NT5DC2: variants seen among roughly 807,000 people sequenced by gnomAD.
NT5DC2 encodes 5'-nucleotidase domain-containing protein 2.
Under a neutral mutation model 70.0 loss-of-function variants are expected in NT5DC2, and 41 were observed. The observed-to-expected ratio is 0.59, with a 90% CI of 0.46 to 0.76. The LOEUF (loss-of-function observed/expected upper bound fraction) is 0.76. Ranked by LOEUF, NT5DC2 falls within the 30% of genes least tolerant of loss-of-function variation. The pLI, the probability that NT5DC2 is intolerant of heterozygous loss-of-function variation, is 0.00. For missense variants in NT5DC2, 705 were observed against 783.2 expected, an observed-to-expected ratio of 0.90 and a Z score of 1.19; for synonymous variants, 299 against 310.4, an observed-to-expected ratio of 0.96 and a Z score of 0.39.
At chr3:52,533,994 C>T (rs2079398106), upstream of NT5DC2, 2 of 299,324 alleles carry the variant, frequency 6.7e-6, no homozygotes, top group African/African-American at 2.3e-5. Context: ...CCGGCGCGGT[C>T]CGGGAGGACT....
intron 10 of NT5DC2, chr3:52,526,469 C>T (rs1038939594): frequency 6.6e-6 from 1 of 152,306 alleles, no homozygotes; most frequent in African/African-American, 2.4e-5. Flanking sequence ...CAGGGCTAAA[C>T]CTTAATCACT....
At chr3:52,533,442 C>A in intron 1 of NT5DC2, 64 bp downstream of exon 1, 1 of 1,444,794 alleles carries the variant, frequency 6.9e-7, no homozygotes, top group Non-Finnish European at 9.2e-7. Context: ...CACCCTGGGG[C>A]TCGGTCCGTC....
rs1405727010 is a variant in NT5DC2, at chr3:52,527,732, T to C, written c.936-14A>G. On this transcript the variant is annotated splice_polypyrimidine_tract_variant and intron_variant, in intron 8 of 13. Transcript: ENST00000422318. ...ATCCCCTTGTCTCTGTGTGGAGGAG[T>C]TTCAGGTGGCAAGTAGTCTGAGGGC... The C allele has an allele frequency of 3.1e-6, 5 of 1,612,528 alleles. No homozygotes were observed. Among genetic ancestry groups the C allele is most frequent in the Non-Finnish European group, 4.2e-6 (5 of 1,179,788 alleles).
chr3:52,524,879 G>C lies in NT5DC2; in HGVS notation c.1350C>G (p.Thr450=), dbSNP rs1304003076. 6.2e-7 allele frequency: 1 copy of C among 1,612,318 alleles called. No homozygotes were observed. Among genetic ancestry groups the C allele is most frequent in the Non-Finnish European group, 8.5e-7 (1 of 1,179,706 alleles). The stretch of plus-strand genomic sequence containing the variant: ...CCTGCCTCGACTCCGCGTCCTGATA[G>C]GTCTGGGGACACAAAGTGTGCATTG... ...ALTGLLERMQ[T]YQDAESRQVL... Residue 450 remains threonine (T), a splice_region_variant and synonymous_variant, in exon 13 of 14, where the codon ACC becomes ACG. Coordinates refer to ENST00000422318, the MANE Select transcript of NT5DC2 (RefSeq NM_001134231.2).
rs1432315215 is a variant in NT5DC2, at chr3:52,527,158, G to GCTCCCTT, written c.1119+135_1119+136insAAGGGAG. The GCTCCCTT allele has an allele frequency of 5.2e-6, 4 of 768,946 alleles. No individual in the cohort carries two copies. In the African/African-American group the frequency reaches 6.9e-5, roughly 13 times the overall value. 47.6% of individuals were successfully genotyped at this position (768,946 alleles called of 1,614,324 possible). On this transcript the variant is annotated intron_variant, in intron 10 of 13. Transcript: ENST00000422318. ...TCGAGGCCACCCAGACCTGCTCCCT[G>GCTCCCTT]CCAGCCATTGCCTGTGTGAGGCTGC...
upstream of NT5DC2, chr3:52,534,195 G>A (rs2079400554): frequency 1.1e-5 from 4 of 367,714 alleles, no homozygotes; most frequent in South Asian, 1.0e-4. Context: ...CCGCTCCCGG[G>A]TCCGCCCGCC....
chr3:52,528,973 C>T, intron 2 of NT5DC2, 38 bp from the exon 3 acceptor site: 1 of 1,610,616 alleles, frequency 6.2e-7, no homozygotes, highest in South Asian at 1.1e-5. Context: ...GCCAATAGCC[C>T]TGCCAGACCT....
In NT5DC2 at chr3:52,529,452, C is replaced by G; in HGVS notation, c.233-118G>C. On this transcript the variant is annotated intron_variant, in intron 1 of 13. Coordinates refer to ENST00000422318, the MANE Select transcript of NT5DC2 (RefSeq NM_001134231.2). The surrounding 1 kb of genome is among the most constrained non-coding windows in gnomAD (Gnocchi z 4.1). ...GAGCCTCAGAAACGCCCCACAATGG[C>G]ACCTCTTATTCCAGTGCTGGAGATG... 8.8e-6 allele frequency: 8 copies of G among 904,206 alleles called. No homozygotes were observed. The South Asian group carries it at 1.3e-4, about 14-fold the overall frequency. 56.0% of individuals were successfully genotyped at this position (904,206 alleles called of 1,614,324 possible).
Position 52,524,832 on chromosome 3 carries a change from T to C in NT5DC2, c.1397A>G (p.Glu466Gly). 1 of 1,612,568 alleles carries C rather than the reference T, an allele frequency of 6.2e-7. No homozygotes were observed. Residue 466 changes from glutamate to glycine, a missense_variant, in exon 13 of 14, where the codon GAG (glutamate) becomes GGG (glycine). Glu to Gly is a moderately conservative substitution (Grantham distance 98). Coordinates refer to ENST00000422318, the MANE Select transcript of NT5DC2 (RefSeq NM_001134231.2). The stretch of plus-strand genomic sequence containing the variant: ...ACCTGCTCACCTCAGCTCCTGCCGC[T>C]CTTTCATCCAGGCAGCCAGCACCTG... The part of the protein sequence containing the change: ...SRQVLAAWMK[E>G]RQELRCITKA...
At chr3:52,527,794 C>G (rs762451068) in intron 8 of NT5DC2, 35 bp downstream of exon 8, 2 of 1,611,888 alleles carry the variant, frequency 1.2e-6, no homozygotes, top group African/African-American at 2.7e-5. Flanking sequence ...GAGCCCTGGC[C>G]CTGCTGTCCC....
intron 10 of NT5DC2, among the ~76,000 whole-genome samples, chr3:52,527,016 C>G (rs1477469345): frequency 6.6e-6 from 1 of 152,164 alleles, no homozygotes; most frequent in Admixed American, 6.5e-5. Flanking sequence ...AGTATTACAC[C>G]TCTTTTGCAG....
At position 52,531,058 on chromosome 3, in the gene NT5DC2, C is replaced by G. The variant is rs1267811012; in HGVS notation, c.233-1724G>C. ...CAGGGAAGCCCCACAGTGTGCCTGGCAGCTGCTGCACTCAAGAGGCAGACA... is the reference window on the plus strand; with the variant it reads ...CAGGGAAGCCCCACAGTGTGCCTGGGAGCTGCTGCACTCAAGAGGCAGACA... On this transcript the variant is annotated intron_variant, in intron 1 of 13. Transcript: ENST00000422318. The surrounding 1 kb of genome is among the most constrained non-coding windows in gnomAD (Gnocchi z 4.1). Among the ~76,000 whole-genome samples, 1 of 152,246 alleles carries G rather than the reference C, an allele frequency of 6.6e-6. No individual in the cohort carries two copies. Among genetic ancestry groups the G allele is most frequent in the Non-Finnish European group, 1.5e-5 (1 of 68,040 alleles).
At chr3:52,525,383 C>T (rs928186810) in intron 10 of NT5DC2, 88 bp from the exon 11 acceptor site, 2 of 991,632 alleles carry the variant, frequency 2.0e-6, no homozygotes. Flanking sequence ...CAGCCCAAAT[C>T]CAGCCGGATG....
rs1410609179 is a variant in NT5DC2, at chr3:52,528,489, G to A, written c.599C>T (p.Thr200Ile). The A allele has an allele frequency of 1.2e-6, 2 of 1,613,404 alleles. No individual in the cohort carries two copies. The highest frequency in any genetic ancestry group is 1.7e-6 in the Non-Finnish European group (2 of 1,180,008). The part of the protein sequence containing the change: ...DEEVIELYGG[T>I]QHIPLYQMSG... Reference sequence around the variant, plus strand: ...CATCTGGTATAGTGGGATGTGCTGGGTACCCCCATACAGCTCAATCACCTC... The same window carrying A: ...CATCTGGTATAGTGGGATGTGCTGGATACCCCCATACAGCTCAATCACCTC... Residue 200 changes from threonine to isoleucine, a missense_variant, in exon 5 of 14, where the codon ACC (threonine) becomes ATC (isoleucine). Transcript: ENST00000422318.
At chr3:52,526,493 C>T (rs1372433534) in intron 10 of NT5DC2, 1 of 152,292 alleles carries the variant, frequency 6.6e-6, no homozygotes, top group Non-Finnish European at 1.5e-5. Context: ...TGCTCATAGA[C>T]ACCTAATCCC....
In NT5DC2 at chr3:52,528,886, C is replaced by G. The variant is rs748463195; in HGVS notation, c.467G>C (p.Arg156Pro). The change falls in exon 3 of 14, where the codon CGT becomes CCT. Residue 156 changes from arginine to proline, a missense_variant. By Grantham distance (103) the Arg-to-Pro change is moderately radical (BLOSUM62 -2). Coordinates refer to ENST00000422318, the MANE Select transcript of NT5DC2 (RefSeq NM_001134231.2). ...KYDYNPSFAI[R>P]GLHYDIQKSL... ...CTTCTGAATGTCATAGTGGAGGCCA[C>G]GGATGGCAAAGCTGGGGTTGTAGTC... The G allele has an allele frequency of 6.2e-7, 1 of 1,613,960 alleles. No homozygotes were observed. The highest frequency in any genetic ancestry group is 1.3e-5 in the African/African-American group (1 of 74,910).
Position 52,529,281 on chromosome 3 carries a change from T to C in NT5DC2, c.286A>G (p.Asn96Asp). The change falls in exon 2 of 14, where the codon AAC (asparagine) becomes GAC (aspartate). Residue 96 changes from asparagine to aspartate, a missense_variant. By Grantham distance (23) the Asn-to-Asp change is conservative (BLOSUM62 1). Coordinates refer to ENST00000422318, the MANE Select transcript of NT5DC2 (RefSeq NM_001134231.2). This position sits in a 1 kb window ranked among gnomAD's most constrained non-coding sequence, Gnocchi z 4.1. ...SLLNPAAIYA[N>D]NEISLRDVEV... Reference sequence around the variant, plus strand: ...ACGTCACGCAGGCTGATCTCGTTGTTGGCGTAGATGGCTGCTGGGTTCAGG... The same window carrying C: ...ACGTCACGCAGGCTGATCTCGTTGTCGGCGTAGATGGCTGCTGGGTTCAGG... 1 of 1,613,830 alleles carries C rather than the reference T, an allele frequency of 6.2e-7. No homozygotes were observed. Among genetic ancestry groups the C allele is most frequent in the Middle Eastern group, 1.7e-4 (1 of 6,060 alleles).
rs2079307541 is a variant in NT5DC2 at position 52,528,193 on chromosome 3, T to C, written c.761A>G (p.Lys254Arg). The C allele has an allele frequency of 1.9e-6, 3 of 1,613,208 alleles. No homozygotes were observed. Among genetic ancestry groups the C allele is most frequent in the East Asian group, 2.2e-5 (1 of 44,882 alleles). Residue 254 changes from lysine to arginine, a missense_variant, in exon 6 of 14, where the codon AAG becomes AGG. Lys to Arg is a conservative substitution (Grantham distance 26). Coordinates refer to ENST00000422318, the MANE Select transcript of NT5DC2 (RefSeq NM_001134231.2). ...GCCCAGCATCCTCACCGTCACGTCC[T>C]TGTAGAGATGTGCTTGGTCAAACTC... is the stretch of plus-strand genomic sequence containing the variant. ...SLEFDQAHLY[K>R]DVTDAIRDVH...
At chr3:52,534,472 G>T (rs1403538903), upstream of NT5DC2, 1 of 1,610,728 alleles carries the variant, frequency 6.2e-7, no homozygotes. Flanking sequence ...TGCGCTGCAG[G>T]GTTGTGGGCC....
Sources: allele counts gnomAD v4.1 joint callset (sites outside exome capture counted in the v4.1 genomes callset), GRCh38; gene constraint gnomAD v4.1.1; non-coding constraint Gnocchi (gnomAD v3.1); transcripts MANE v1.5; gene names NCBI Gene and HGNC (gene_info 2026-07-23, HGNC 2026-07-21).